ARFGEF1: variants seen among roughly 807,000 people sequenced by gnomAD.
The protein encoded by ARFGEF1 is brefeldin A-inhibited guanine nucleotide-exchange protein 1.
Under a neutral mutation model 231.0 loss-of-function variants are expected in ARFGEF1, and 42 were observed. The ratio of observed to expected loss-of-function variants is 0.18; its 90% CI spans 0.14 to 0.24. ARFGEF1 has a LOEUF of 0.24. ARFGEF1 is among the 10% of genes least tolerant of loss of function. The probability of loss-of-function intolerance (pLI) is 1.00; values close to 1 mark genes in which losing one functional copy is unlikely to be tolerated. For missense variants in ARFGEF1, 1,345 were observed against 2,192.0 expected, an observed-to-expected ratio of 0.61 and a Z score of 7.72; for synonymous variants, 710 against 732.3, an observed-to-expected ratio of 0.97 and a Z score of 0.49.
intron 34 of ARFGEF1, among the ~76,000 whole-genome samples, chr8:67,211,016 C>T (rs1337169001): frequency 1.4e-5 from 2 of 143,754 alleles, no homozygotes; most frequent in East Asian, 2.0e-4. Flanking sequence ...TGCACTCCAG[C>T]GTAGGCGACA....
rs771187662 is a variant in ARFGEF1 at position 67,258,076 on chromosome 8, C to T, written c.2441+9G>A. ...ACAGACAATCAATGAGCATTTGAAC[C>T]TTATTTACCCTTGGTTGCATTCTAG... On this transcript the variant is annotated intron_variant, in intron 16 of 38. Coordinates refer to ENST00000262215, the MANE Select transcript of ARFGEF1 (RefSeq NM_006421.5). The T allele has an allele frequency of 5.0e-6, 8 of 1,604,480 alleles. No homozygotes were observed. Among genetic ancestry groups the T allele is most frequent in the Non-Finnish European group, 6.8e-6 (8 of 1,171,484 alleles).
Position 67,253,499 on chromosome 8 carries a change from T to C in ARFGEF1, c.2650A>G (p.Met884Val), listed in dbSNP as rs1490604083. Reference sequence around the variant, plus strand: ...ATTGTTAGTTCTTTTGTTTCTTTCATTGATATCTTTTTCCCAGCTATTTCA... The same window carrying C: ...ATTGTTAGTTCTTTTGTTTCTTTCACTGATATCTTTTTCCCAGCTATTTCA... ...YNEIAGKKIS[M>V]KETKELTIPT... Residue 884 changes from methionine to valine, a missense_variant, in exon 18 of 39, where the codon ATG becomes GTG. Coordinates refer to ENST00000262215, the MANE Select transcript of ARFGEF1 (RefSeq NM_006421.5). 4.4e-6 allele frequency: 7 copies of C among 1,585,968 alleles called. No homozygotes were observed. The highest frequency in any genetic ancestry group is 1.3e-5 in the African/African-American group (1 of 74,182).
chr8:67,262,410 T>C (rs796970383), intron 14 of ARFGEF1, among the ~76,000 whole-genome samples: 2 of 152,212 alleles, frequency 1.3e-5, no homozygotes, highest in African/African-American at 4.8e-5. Flanking sequence ...CAGTGGTTTC[T>C]TGAAATGCAA....
At chr8:67,251,745 A>T (rs1406612564) in intron 18 of ARFGEF1, among the ~76,000 whole-genome samples, 1 of 152,186 alleles carries the variant, frequency 6.6e-6, no homozygotes, top group African/African-American at 2.4e-5. Context: ...TTGGAATTAG[A>T]GGTGGTAGTT....
Position 67,238,441 on chromosome 8 carries a change from A to G in ARFGEF1, c.3191T>C (p.Val1064Ala). The change falls in exon 22 of 39, where the codon GTG becomes GCG. Residue 1064 changes from valine to alanine, a missense_variant. Around this residue, in one of 14 missense-constraint regions of ARFGEF1, gnomAD observed 146 missense variants for 321.4 expected, o/e 0.45. Coordinates refer to ENST00000262215, the MANE Select transcript of ARFGEF1 (RefSeq NM_006421.5). Reference protein sequence around the residue: ...LELAQLIGTGVKPRYISGTVR... With the variant: ...LELAQLIGTGAKPRYISGTVR... ...TGTTCCAGAAATGTATCGAGGTTTCACTCCAGTTCCTATAAGCTGTGCCAG... is the reference window on the plus strand; with the variant it reads ...TGTTCCAGAAATGTATCGAGGTTTCGCTCCAGTTCCTATAAGCTGTGCCAG... The G allele has an allele frequency of 6.2e-7, 1 of 1,613,940 alleles. No homozygotes were observed. The highest frequency in any genetic ancestry group is 8.5e-7 in the Non-Finnish European group (1 of 1,179,932).
chr8:67,206,448 C>T (rs1158493365), intron 34 of ARFGEF1, among the ~76,000 whole-genome samples: 2 of 141,298 alleles, frequency 1.4e-5, no homozygotes, highest in Non-Finnish European at 3.1e-5. Context: ...AAGCTGAACA[C>T]ATTACTTCAA....
At chr8:67,188,454 A>T (rs370477695) in intron 5 of ARFGEF1, among the ~76,000 whole-genome samples, 2 of 152,238 alleles carry the variant, frequency 1.3e-5, no homozygotes, top group African/African-American at 4.8e-5. Context: ...GTAAAGAAAT[A>T]GTGAAATCAT....
In ARFGEF1 at chr8:67,222,233, ATGTATG is replaced by A. The variant is rs1839216070; in HGVS notation, c.4208+2664_4208+2669del. Reference sequence around the variant, plus strand: ...CACACATATATATATATGTATATGTATGTATGTATGTATGTATGTATGTATGTATGT... The same window carrying A: ...CACACATATATATATATGTATATGTATATGTATGTATGTATGTATGTATGT... On this transcript the variant is annotated intron_variant, in intron 29 of 38. Coordinates refer to ENST00000262215, the MANE Select transcript of ARFGEF1 (RefSeq NM_006421.5). Among the ~76,000 whole-genome samples, 3 of 123,068 alleles carry A rather than the reference ATGTATG, an allele frequency of 2.4e-5. No individual in the cohort carries two copies. The South Asian group carries it at 7.7e-4, about 31-fold the overall frequency. 80.7% of individuals were successfully genotyped at this position (123,068 alleles called of 152,430 possible).
intron 17 of ARFGEF1, 79 bp from the exon 18 acceptor site, chr8:67,253,701 A>T (rs1227553573): frequency 3.9e-6 from 3 of 769,408 alleles, no homozygotes; most frequent in Non-Finnish European, 5.5e-6. Flanking sequence ...GAATATTTAC[A>T]TAAGAGATTT....
At chr8:67,199,208 G>A in intron 38 of ARFGEF1, 110 bp from the exon 39 acceptor site, 2 of 1,305,268 alleles carry the variant, frequency 1.5e-6, no homozygotes, top group African/African-American at 1.5e-5. Context: ...GGAAAGCAGG[G>A]TCCACAGCAG....
intron 19 of ARFGEF1, among the ~76,000 whole-genome samples, chr8:67,242,388 C>A (rs1308653110): frequency 6.6e-6 from 1 of 152,232 alleles, no homozygotes; most frequent in African/African-American, 2.4e-5. Flanking sequence ...CAGGACAGGG[C>A]ACCAGGCAGA....
intron 1 of ARFGEF1, among the ~76,000 whole-genome samples, chr8:67,335,167 G>A (rs1456586847): frequency 2.0e-5 from 3 of 146,820 alleles, no homozygotes; most frequent in South Asian, 2.2e-4. Context: ...GTGCAGTGGC[G>A]CAATCTCGGC....
chr8:67,246,180 C>A (rs1840100570), intron 19 of ARFGEF1, among the ~76,000 whole-genome samples: 1 of 150,414 alleles, frequency 6.6e-6, no homozygotes, highest in African/African-American at 2.5e-5. Flanking sequence ...GAGACTTCAA[C>A]ACCTCATTTT....
intron 13 of ARFGEF1, 39 bp from the exon 14 acceptor site, chr8:67,266,246 A>G (rs1313610557): frequency 6.5e-7 from 1 of 1,544,098 alleles, no homozygotes; most frequent in Non-Finnish European, 8.8e-7. Flanking sequence ...TTATTCTATC[A>G]AAGAAAAAAA....
intron 14 of ARFGEF1, 150 bp from the exon 15 acceptor site, chr8:67,260,076 T>C (rs1840592595): frequency 2.4e-6 from 1 of 420,370 alleles, no homozygotes; most frequent in Non-Finnish European, 4.2e-6. Context: ...ATAATTACAT[T>C]GTGCCAAGTT....
chr8:67,211,503 C>A lies in ARFGEF1; in HGVS notation c.4799G>T (p.Ser1600Ile). ...VSASAVNEEV[S>I]KIKSTAKFPE... Reference sequence around the variant, plus strand: ...CTCACTTGCTGTAGATTTAATTTTGCTGACTTCTTCATTAACAGCAGACGC... The same window carrying A: ...CTCACTTGCTGTAGATTTAATTTTGATGACTTCTTCATTAACAGCAGACGC... The change falls in exon 34 of 39, where the codon AGC (serine) becomes ATC (isoleucine). Residue 1600 changes from serine to isoleucine, a missense_variant. Ser to Ile is a moderately radical substitution (Grantham distance 142). Transcript: ENST00000262215. The A allele has an allele frequency of 6.3e-7, 1 of 1,580,028 alleles. No individual in the cohort carries two copies. The highest frequency in any genetic ancestry group is 8.6e-7 in the Non-Finnish European group (1 of 1,166,712).
At chr8:67,342,339 T>A (rs937000381) in intron 1 of ARFGEF1, among the ~76,000 whole-genome samples, 1 of 152,214 alleles carries the variant, frequency 6.6e-6, no homozygotes, top group Non-Finnish European at 1.5e-5. Context: ...GCGGGCTTCA[T>A]TACACTAGAT....
chr8:67,260,130 C>T (rs1385946672), intron 14 of ARFGEF1, among the ~76,000 whole-genome samples: 1 of 152,062 alleles, frequency 6.6e-6, no homozygotes, highest in Non-Finnish European at 1.5e-5. Context: ...ATATGGAAGG[C>T]CATCTTTATT....
chr8:67,221,813 T>C (rs145503789), intron 29 of ARFGEF1, among the ~76,000 whole-genome samples: 2,457 of 151,414 alleles, frequency 0.016, 70 homozygotes, highest in African/African-American at 0.057. Context: ...TTGCTTTTTT[T>C]TTTCTTTCTT....
Sources: gnomAD v4.1 joint callset for allele counts (sites outside exome capture counted in the v4.1 genomes callset) on GRCh38, gnomAD v4.1.1 for gene constraint, gnomAD v4.1.1 regional missense constraint, MANE v1.5 for transcripts, NCBI Gene and HGNC (gene_info 2026-07-23, HGNC 2026-07-21) for gene names.